The following DIO2 variants were observed in gnomAD, a reference collection of about 807,000 sequenced individuals.
The protein encoded by DIO2 is iodothyronine deiodinase 2.
Under a neutral mutation model 21.4 loss-of-function variants are expected in DIO2, and 19 were observed. That is an observed-to-expected ratio of 0.89 (90% CI 0.62 to 1.30). DIO2 has a LOEUF of 1.30. Ranked by LOEUF, DIO2 falls within the 50% of genes most tolerant of loss-of-function variation. The pLI is 0.00. For missense variants in DIO2, 302 were observed against 338.1 expected (o/e 0.89, Z 0.84); for synonymous variants, 122 against 132.9 (o/e 0.92, Z 0.57).
At chr14:80,229,318 C>A (rs1888640086) in intron 2 of DIO2, among the ~76,000 whole-genome samples, 1 of 152,188 alleles carries the variant, frequency 6.6e-6, no homozygotes, top group South Asian at 2.1e-4. Flanking sequence ...TAGCTACATC[C>A]ACTTTGCCTT....
chr14:80,215,820 T>TTA (rs1336869878), upstream of DIO2, among the ~76,000 whole-genome samples: 1 of 151,982 alleles, frequency 6.6e-6, no homozygotes, highest in Non-Finnish European at 1.5e-5. Context: ...TGACAGGGAG[T>TTA]TATGACGAAC....
rs1214099456 is a variant in DIO2, at chr14:80,211,239, A to G, written c.222+12T>C. 6.2e-7 allele frequency: 1 copy of G among 1,604,330 alleles called. No individual in the cohort carries two copies. Among genetic ancestry groups the G allele is most frequent in the African/African-American group, 1.3e-5 (1 of 74,816 alleles). On this transcript the variant is annotated intron_variant, in intron 1 of 1. Coordinates refer to ENST00000438257, the MANE Select transcript of DIO2 (RefSeq NM_013989.5). ...GTAGACCTAGGGAGAAGCCCTTCTCAGCTCAGCTCACCTGTTTGTAGGCAT... is the reference window on the plus strand; with the variant it reads ...GTAGACCTAGGGAGAAGCCCTTCTCGGCTCAGCTCACCTGTTTGTAGGCAT...
At chr14:80,207,872 G>C (rs929636756) in intron 1 of DIO2, among the ~76,000 whole-genome samples, 1 of 151,984 alleles carries the variant, frequency 6.6e-6, no homozygotes, top group Non-Finnish European at 1.5e-5. Context: ...TGTTCTTTTG[G>C]GACTGTTTCT....
At chr14:80,207,895 C>A (rs1888011318) in intron 1 of DIO2, among the ~76,000 whole-genome samples, 1 of 152,076 alleles carries the variant, frequency 6.6e-6, no homozygotes, top group South Asian at 2.1e-4. Flanking sequence ...CTTAAAAGGG[C>A]CATTTTCCAT....
At chr14:80,204,071 T>C (rs140271372) in intron 1 of DIO2, among the ~76,000 whole-genome samples, 28 of 152,306 alleles carry the variant, frequency 1.8e-4, no homozygotes, top group Non-Finnish European at 3.5e-4. Context: ...TGGGCAATTC[T>C]GTGTTTGTTT....
At chr14:80,214,006 G>A (rs1160631689), upstream of DIO2, among the ~76,000 whole-genome samples, 1 of 152,132 alleles carries the variant, frequency 6.6e-6, no homozygotes, top group African/African-American at 2.4e-5. Context: ...TATATGCAAT[G>A]TACATTTACT....
At chr14:80,216,657 A>G (rs1888369119) in intron 3 of DIO2, 1 of 152,154 alleles carries the variant, frequency 6.6e-6, no homozygotes, top group Non-Finnish European at 1.5e-5. Flanking sequence ...AAATAAATAA[A>G]TAAAAAGCTG....
In DIO2 at chr14:80,211,339, T is replaced by A. The variant is rs1170949895; in HGVS notation, c.134A>T (p.Lys45Met). The A allele has an allele frequency of 6.2e-7, 1 of 1,613,812 alleles. No homozygotes were observed. The highest frequency in any genetic ancestry group is 8.5e-7 in the Non-Finnish European group (1 of 1,179,870). The change falls in exon 1 of 2, where the codon AAG becomes ATG. Residue 45 changes from lysine (K) to methionine (M), a missense_variant. Physicochemically the swap from Lys to Met is moderately conservative, Grantham distance 95. Transcript: ENST00000438257. ...GCGCCGCCACTCTCCGCGAGTGGAC[T>A]TGGAGCGGCTCAACAGCAGCACCAC... is the stretch of plus-strand genomic sequence containing the variant. ...KHVVLLLSRS[K>M]STRGEWRRML...
In DIO2 at chr14:80,222,176, A is replaced by G. The variant is rs184583629; in HGVS notation, c.-277-5439T>C. 1.1e-4 allele frequency among the ~76,000 whole-genome samples: 17 copies of G among 152,350 alleles called. No homozygotes were observed. In the East Asian group the frequency reaches 3.3e-3, roughly 29 times the overall value. ...TTAAATTTTGTAGGTGTGCTTTGCTATATTGAAAAAAATATTCAAATAATA... is the reference window on the plus strand; with the variant it reads ...TTAAATTTTGTAGGTGTGCTTTGCTGTATTGAAAAAAATATTCAAATAATA... On this transcript the variant is annotated intron_variant, in intron 2 of 4. Coordinates refer to the DIO2 transcript ENST00000553594.
Position 80,198,092 on chromosome 14 carries a change from A to G in DIO2, c.*4597T>C, listed in dbSNP as rs567250218. 6.6e-6 allele frequency: 1 copy of G among 152,558 alleles called. No individual in the cohort carries two copies. The highest frequency in any genetic ancestry group is 6.5e-5 in the Admixed American group (1 of 15,276). 9.5% of individuals were successfully genotyped at this position (152,558 alleles called of 1,614,324 possible). A position where few individuals can be genotyped will look rare whatever the true frequency, so the allele number is the denominator to read the frequency against. On this transcript the variant is annotated 3_prime_UTR_variant, in exon 2 of 2. Coordinates refer to ENST00000438257, the MANE Select transcript of DIO2 (RefSeq NM_013989.5). ...CTTGAGAGAATTTTCTTTATTTCCC[A>G]TCCCCTTCTGTGGGTTTCTTTCATT...
intron 1 of DIO2, among the ~76,000 whole-genome samples, chr14:80,210,161 T>C (rs963339271): frequency 6.6e-6 from 1 of 152,114 alleles, no homozygotes; most frequent in Non-Finnish European, 1.5e-5. Context: ...TCTATTTTGA[T>C]AACTACTTTT....
rs902883232 is a variant in DIO2, at chr14:80,198,309, T to C, written c.*4380A>G. 6.5e-6 allele frequency: 1 copy of C among 152,682 alleles called. No homozygotes were observed. The highest frequency in any genetic ancestry group is 2.4e-5 in the African/African-American group (1 of 41,444). 9.5% of individuals were successfully genotyped at this position (152,682 alleles called of 1,614,324 possible). On this transcript the variant is annotated 3_prime_UTR_variant, in exon 2 of 2. Coordinates refer to ENST00000438257, the MANE Select transcript of DIO2 (RefSeq NM_013989.5). ...TTGCATGAGCAGTCTTGTTTGGATA[T>C]CTGCACATGTTTGCTTTCTATTGGT...
chr14:80,201,751 C>T lies in DIO2; in HGVS notation c.*938G>A, dbSNP rs1338913949. On this transcript the variant is annotated 3_prime_UTR_variant, in exon 2 of 2. Transcript: ENST00000438257. ...TTCCAAAAGAAACCCCTCACAATTACAAATATTTAAGTATTTTTTTTTCTT... is the reference window on the plus strand; with the variant it reads ...TTCCAAAAGAAACCCCTCACAATTATAAATATTTAAGTATTTTTTTTTCTT... 3 of 152,198 alleles carry T rather than the reference C, an allele frequency of 2.0e-5. No individual in the cohort carries two copies. Among genetic ancestry groups the T allele is most frequent in the Non-Finnish European group, 4.4e-5 (3 of 68,070 alleles). 9.4% of individuals were successfully genotyped at this position (152,198 alleles called of 1,614,324 possible).
chr14:80,226,356 C>A (rs1423029254), intron 2 of DIO2, among the ~76,000 whole-genome samples: 1 of 152,174 alleles, frequency 6.6e-6, no homozygotes, highest in Non-Finnish European at 1.5e-5. Flanking sequence ...AAAGTGAGTG[C>A]CTTGGTCAGG....
chr14:80,227,723 T>C (rs1298872265), intron 2 of DIO2, among the ~76,000 whole-genome samples: 1 of 152,150 alleles, frequency 6.6e-6, no homozygotes, highest in African/African-American at 2.4e-5. Flanking sequence ...GAAGAGCAGC[T>C]TGCACAGCAG....
chr14:80,218,056 G>A (rs764969150), intron 2 of DIO2, among the ~76,000 whole-genome samples: 5 of 152,080 alleles, frequency 3.3e-5, no homozygotes, highest in Non-Finnish European at 5.9e-5. Flanking sequence ...ATGTTGATGG[G>A]TAATATATTC....
At position 80,198,558 on chromosome 14, in the gene DIO2, C is replaced by A. The variant is rs1887576490; in HGVS notation, c.*4131G>T. On this transcript the variant is annotated 3_prime_UTR_variant, in exon 2 of 2. Coordinates refer to ENST00000438257, the MANE Select transcript of DIO2 (RefSeq NM_013989.5). ...GGGCCTTGTTCTTCCCAGTTAGCAA[C>A]TTTCTAGCTCTCCCATCCTAGATCC... 6.6e-6 allele frequency: 1 copy of A among 152,314 alleles called. No individual in the cohort carries two copies. Among genetic ancestry groups the A allele is most frequent in the African/African-American group, 2.4e-5 (1 of 41,430 alleles). The allele number at this position is 152,314 out of a possible 1,614,324, so 9.4% of individuals were successfully genotyped here. A position where few individuals can be genotyped will look rare whatever the true frequency, so the allele number is the denominator to read the frequency against.
In DIO2 at chr14:80,202,529, T is replaced by A. The variant is rs895553439; in HGVS notation, c.*160A>T. ...ACTCAGCCCAATGCCATTTGAGTAG[T>A]GAAAGAAGTATGGAGCTGTTAGAGA... is the stretch of plus-strand genomic sequence containing the variant. On this transcript the variant is annotated 3_prime_UTR_variant, in exon 2 of 2. Coordinates refer to ENST00000438257, the MANE Select transcript of DIO2 (RefSeq NM_013989.5). 1.3e-6 allele frequency: 1 copy of A among 779,614 alleles called. No individual in the cohort carries two copies. The highest frequency in any genetic ancestry group is 2.6e-5 in the East Asian group (1 of 38,646). The allele number at this position is 779,614 out of a possible 1,614,324, so 48.3% of individuals were successfully genotyped here.
chr14:80,204,126 T>TA (rs1337632183), intron 1 of DIO2, among the ~76,000 whole-genome samples: 2 of 152,034 alleles, frequency 1.3e-5, no homozygotes, highest in East Asian at 1.9e-4. Flanking sequence ...CTCTCCTCAA[T>TA]ATGGCATCCT....
Sources: gnomAD v4.1 joint callset for allele counts (sites outside exome capture counted in the v4.1 genomes callset) on GRCh38, gnomAD v4.1.1 for gene constraint, MANE v1.5 for transcripts, NCBI Gene and HGNC (gene_info 2026-07-23, HGNC 2026-07-21) for gene names.